The following NOX4 variants were observed in gnomAD, a reference collection of about 807,000 sequenced individuals.
NOX4 encodes kidney oxidase-1.
NOX4 carries 69 observed loss-of-function variants against 87.6 expected under a neutral mutation model. That is an observed-to-expected ratio of 0.79 (90% CI 0.65 to 0.96). NOX4 has a LOEUF of 0.96. NOX4 is among the 40% of genes least tolerant of loss of function. The pLI is 0.00. For missense variants in NOX4, 680 were observed against 681.5 expected (o/e 1.00, Z 0.02); for synonymous variants, 275 against 238.2 (o/e 1.15, Z -1.42).
chr11:89,518,954 G>A, the NOX4 span, among the ~76,000 whole-genome samples: 2 of 151,968 alleles, frequency 1.3e-5, no homozygotes, highest in Non-Finnish European at 2.9e-5. Context: ...AAATTAGATG[G>A]TAAAGAATAT....
chr11:89,512,573 G>A, the NOX4 span, among the ~76,000 whole-genome samples: 1 of 151,928 alleles, frequency 6.6e-6, no homozygotes, highest in Admixed American at 6.6e-5. Flanking sequence ...CATACTCTAG[G>A]CTTATCCAGG....
At chr11:89,363,702 G>T (rs182026903) in intron 12 of NOX4, among the ~76,000 whole-genome samples, 3 of 151,946 alleles carry the variant, frequency 2.0e-5, no homozygotes, top group Non-Finnish European at 2.9e-5. Flanking sequence ...GAATTAAAGG[G>T]CAAACTTAGA....
At chr11:89,455,143 A>G (rs1436282439) in intron 2 of NOX4, among the ~76,000 whole-genome samples, 1 of 152,106 alleles carries the variant, frequency 6.6e-6, no homozygotes, top group African/African-American at 2.4e-5. Flanking sequence ...ATCAAGCATG[A>G]CTACTTTAGT....
the NOX4 span, among the ~76,000 whole-genome samples, chr11:89,588,042 G>A: frequency 6.6e-6 from 1 of 151,952 alleles, no homozygotes; most frequent in African/African-American, 2.4e-5. Context: ...TCCGGTGTTA[G>A]GATCCCACAT....
Position 89,326,537 on chromosome 11 carries a change from C to T in NOX4, c.*219G>A. Reference sequence around the variant, plus strand: ...TTAATTTGAGAACTGAAAAGTGAATCATCACATCAAATATTCTTCAGGGTC... The same window carrying T: ...TTAATTTGAGAACTGAAAAGTGAATTATCACATCAAATATTCTTCAGGGTC... On this transcript the variant is annotated 3_prime_UTR_variant, in exon 18 of 18. Transcript: ENST00000263317. The T allele has an allele frequency of 1.1e-5, 4 of 369,838 alleles. No individual in the cohort carries two copies. In the Admixed American group the frequency reaches 1.7e-4, roughly 16 times the overall value. 22.9% of individuals were successfully genotyped at this position (369,838 alleles called of 1,614,324 possible). A position where few individuals can be genotyped will look rare whatever the true frequency, so the allele number is the denominator to read the frequency against.
the NOX4 span, among the ~76,000 whole-genome samples, chr11:89,505,668 T>C: frequency 6.6e-6 from 1 of 151,818 alleles, no homozygotes; most frequent in Non-Finnish European, 1.5e-5. Flanking sequence ...GGGAGTGTAA[T>C]GTGAGGAGAA....
At chr11:89,503,836 T>G in the NOX4 span, among the ~76,000 whole-genome samples, 1 of 147,490 alleles carries the variant, frequency 6.8e-6, no homozygotes, top group Non-Finnish European at 1.5e-5. Flanking sequence ...CATATATTAA[T>G]TGAGCAATAC....
intron 2 of NOX4, among the ~76,000 whole-genome samples, chr11:89,455,498 T>C (rs1049555485): frequency 1.3e-5 from 2 of 152,120 alleles, no homozygotes; most frequent in Non-Finnish European, 2.9e-5. Flanking sequence ...TAAATCTTTG[T>C]TGAATTGAGC....
At chr11:89,484,260 C>T (rs1429800444) in intron 2 of NOX4, among the ~76,000 whole-genome samples, 3 of 152,060 alleles carry the variant, frequency 2.0e-5, no homozygotes, top group South Asian at 2.1e-4. Context: ...TATATCACAA[C>T]GAGGTTAAAT....
chr11:89,368,863 A>G (rs893713149), intron 12 of NOX4, among the ~76,000 whole-genome samples: 4 of 152,018 alleles, frequency 2.6e-5, no homozygotes, highest in Admixed American at 2.6e-4. Flanking sequence ...TAACCCAAGC[A>G]TACTGCCAGA....
chr11:89,470,082 T>C (rs868456743), intron 2 of NOX4, among the ~76,000 whole-genome samples: 1 of 144,768 alleles, frequency 6.9e-6, no homozygotes, highest in South Asian at 2.1e-4. Context: ...ATGAAAATAA[T>C]AATAATAATA....
chr11:89,417,943 A>G (rs1942872407), intron 8 of NOX4, among the ~76,000 whole-genome samples: 1 of 152,088 alleles, frequency 6.6e-6, no homozygotes, highest in African/African-American at 2.4e-5. Context: ...ATATACTAAC[A>G]TCTTGGAGAA....
chr11:89,325,051 T>C lies in NOX4; in HGVS notation c.*1705A>G, dbSNP rs1028387914. 60 of 151,732 alleles carry C rather than the reference T, an allele frequency of 4.0e-4. 1 individual carries two copies. The highest frequency in any genetic ancestry group is 1.3e-3 in the African/African-American group (55 of 41,380). 9.4% of individuals were successfully genotyped at this position (151,732 alleles called of 1,614,324 possible). A position where few individuals can be genotyped will look rare whatever the true frequency, so the allele number is the denominator to read the frequency against. On this transcript the variant is annotated 3_prime_UTR_variant, in exon 18 of 18. Transcript: ENST00000263317. ...CACACTGCTGATTTCAGCAGTGTTA[T>C]ATTTGATAGCAATTGATAGCCGACT...
chr11:89,383,176 G>T (rs1368545969), intron 11 of NOX4, among the ~76,000 whole-genome samples: 3 of 152,282 alleles, frequency 2.0e-5, no homozygotes, highest in South Asian at 2.1e-4. Context: ...AGCCACATTT[G>T]CAGCACACAA....
intron 13 of NOX4, among the ~76,000 whole-genome samples, chr11:89,347,342 C>A (rs554384163): frequency 4.6e-5 from 7 of 152,310 alleles, no homozygotes; most frequent in African/African-American, 1.7e-4. Flanking sequence ...CATGGCAGAG[C>A]CTTTCCCCCT....
At chr11:89,559,772 G>A in the NOX4 span, among the ~76,000 whole-genome samples, 1 of 152,092 alleles carries the variant, frequency 6.6e-6, no homozygotes, top group Admixed American at 6.6e-5. Context: ...ACCCTCAGGA[G>A]CTGGTGTGAG....
the NOX4 span, among the ~76,000 whole-genome samples, chr11:89,544,278 T>A: frequency 7.2e-5 from 11 of 152,178 alleles, no homozygotes; most frequent in African/African-American, 2.2e-4. Context: ...TAGGTTATAT[T>A]TTCCTAATCT....
intron 13 of NOX4, among the ~76,000 whole-genome samples, chr11:89,350,115 T>C (rs1252702600): frequency 1.3e-5 from 2 of 152,172 alleles, no homozygotes; most frequent in African/African-American, 4.8e-5. Flanking sequence ...TTCTGAGAAT[T>C]TTCATGGAGC....
intron 2 of NOX4, among the ~76,000 whole-genome samples, chr11:89,463,366 C>G (rs575170036): frequency 6.6e-6 from 1 of 152,044 alleles, no homozygotes; most frequent in East Asian, 1.9e-4. Context: ...TGAATCATAA[C>G]TTGTCATCTG....
Sources: gnomAD v4.1 joint callset for allele counts (sites outside exome capture counted in the v4.1 genomes callset) on GRCh38, gnomAD v4.1.1 for gene constraint, MANE v1.5 for transcripts, NCBI Gene and HGNC (gene_info 2026-07-23, HGNC 2026-07-21) for gene names.